Variants in THEMIS observed in about 807,000 individuals in gnomAD.
The protein encoded by THEMIS is thymocyte selection associated.
THEMIS carries 37 observed loss-of-function variants against 52.6 expected under a neutral mutation model. The observed-to-expected ratio is 0.70, with a 90% CI of 0.54 to 0.93. The LOEUF (loss-of-function observed/expected upper bound fraction) is 0.93. Among genes scored for constraint, THEMIS ranks in the 40% least tolerant of loss-of-function variants. The pLI is 0.00. For synonymous variants in THEMIS, 292 were observed against 272.7 expected, an observed-to-expected ratio of 1.07 and a Z score of -0.70; for missense variants, 808 against 763.1, an observed-to-expected ratio of 1.06 and a Z score of -0.69.
intron 1 of THEMIS, among the ~76,000 whole-genome samples, chr6:127,873,756 A>G (rs923967158): frequency 6.6e-6 from 1 of 152,240 alleles, no homozygotes; most frequent in African/African-American, 2.4e-5. Flanking sequence ...CATAAAGTCA[A>G]TTAACACATA....
chr6:127,805,428 A>G (rs991785180), intron 4 of THEMIS, among the ~76,000 whole-genome samples: 1 of 152,070 alleles, frequency 6.6e-6, no homozygotes, highest in Non-Finnish European at 1.5e-5. Context: ...TAAATAACGC[A>G]TGCATGAATC....
chr6:127,798,447 T>A (rs1347597982), intron 4 of THEMIS, among the ~76,000 whole-genome samples: 2 of 152,202 alleles, frequency 1.3e-5, no homozygotes, highest in African/African-American at 4.8e-5. Flanking sequence ...CTGGTCTAAA[T>A]AAAGGATGGT....
chr6:127,764,756 C>G (rs1286242573), intron 4 of THEMIS, among the ~76,000 whole-genome samples: 5 of 151,948 alleles, frequency 3.3e-5, no homozygotes, highest in Non-Finnish European at 5.9e-5. Flanking sequence ...ATTTTCTTAT[C>G]TATTACTTAA....
chr6:127,827,684 T>A (rs968510292), intron 3 of THEMIS, among the ~76,000 whole-genome samples: 4 of 152,124 alleles, frequency 2.6e-5, no homozygotes, highest in African/African-American at 9.7e-5. Flanking sequence ...CCCCTTCCAA[T>A]AGATCTTCAC....
chr6:127,846,704 G>T (rs1432098673), intron 2 of THEMIS, among the ~76,000 whole-genome samples: 1 of 151,718 alleles, frequency 6.6e-6, no homozygotes, highest in Non-Finnish European at 1.5e-5. Context: ...AATTCTACTA[G>T]ACATTCCAAG....
intron 4 of THEMIS, among the ~76,000 whole-genome samples, chr6:127,758,018 A>G (rs904744436): frequency 6.6e-6 from 1 of 152,028 alleles, no homozygotes; most frequent in East Asian, 1.9e-4. Context: ...ACACACATAG[A>G]TATATGTTAT....
At chr6:127,805,386 C>T (rs115675079) in intron 4 of THEMIS, among the ~76,000 whole-genome samples, 2,768 of 152,094 alleles carry the variant, frequency 0.018, 107 homozygotes, top group African/African-American at 0.063. Flanking sequence ...AGAAAGTTTA[C>T]GGCTATAAAA....
intron 4 of THEMIS, among the ~76,000 whole-genome samples, chr6:127,793,508 CAGGCCCCATGAA>C (rs1777224374): frequency 6.6e-6 from 1 of 152,142 alleles, no homozygotes; most frequent in Non-Finnish European, 1.5e-5. Context: ...GAAGAGAAAG[CAGGCCCCATGAA>C]ATCAAGCATT....
intron 3 of THEMIS, among the ~76,000 whole-genome samples, chr6:127,826,295 A>G (rs1002101264): frequency 6.6e-6 from 1 of 152,172 alleles, no homozygotes; most frequent in African/African-American, 2.4e-5. Context: ...TTTGATAAAC[A>G]TTAAAATTAT....
At chr6:127,747,193 GA>G (rs1370186598) in intron 4 of THEMIS, among the ~76,000 whole-genome samples, 22 of 109,944 alleles carry the variant, frequency 2.0e-4, no homozygotes, top group African/African-American at 6.8e-4. Context: ...TATAATTACA[GA>G]TATCTATCAT....
chr6:127,868,442 G>C, intron 1 of THEMIS: 1 of 985,332 alleles, frequency 1.0e-6, no homozygotes, highest in Non-Finnish European at 1.2e-6. Flanking sequence ...ACTTAGATTG[G>C]GGATAAAGAC....
intron 4 of THEMIS, among the ~76,000 whole-genome samples, chr6:127,747,330 T>C (rs1434798851): frequency 2.1e-5 from 3 of 143,912 alleles, no homozygotes; most frequent in African/African-American, 7.5e-5. Context: ...TCTATATCTA[T>C]ATAATATATA....
intron 2 of THEMIS, among the ~76,000 whole-genome samples, chr6:127,850,131 G>GA (rs1779370632): frequency 6.6e-6 from 1 of 151,852 alleles, no homozygotes; most frequent in Non-Finnish European, 1.5e-5. Flanking sequence ...ACAAACATAT[G>GA]AAAAATGCCC....
chr6:127,910,494 T>G (rs1049796687), intron 1 of THEMIS, among the ~76,000 whole-genome samples: 5 of 152,184 alleles, frequency 3.3e-5, no homozygotes, highest in African/African-American at 1.2e-4. Flanking sequence ...ACAACGTTAT[T>G]TCCAGAATAA....
chr6:127,803,243 C>T (rs1001949191), intron 4 of THEMIS, among the ~76,000 whole-genome samples: 1 of 152,026 alleles, frequency 6.6e-6, no homozygotes, highest in African/African-American at 2.4e-5. Flanking sequence ...AAGTGTACAG[C>T]GCTATGATTT....
At chr6:127,786,271 C>T (rs1403099667) in intron 4 of THEMIS, among the ~76,000 whole-genome samples, 1 of 152,150 alleles carries the variant, frequency 6.6e-6, no homozygotes, top group Non-Finnish European at 1.5e-5. Flanking sequence ...TCTTCAACAG[C>T]TTGGCCATCT....
At chr6:127,879,153 G>A (rs1219219191) in intron 1 of THEMIS, among the ~76,000 whole-genome samples, 1 of 152,152 alleles carries the variant, frequency 6.6e-6, no homozygotes, top group Non-Finnish European at 1.5e-5. Flanking sequence ...GTTCTCTGAG[G>A]TATATTACAT....
intron 4 of THEMIS, among the ~76,000 whole-genome samples, chr6:127,767,898 C>T (rs1776254971): frequency 6.6e-6 from 1 of 152,130 alleles, no homozygotes; most frequent in South Asian, 2.1e-4. Flanking sequence ...CTAGGTGAAA[C>T]AAGTTTTTCA....
chr6:127,780,497 T>C (rs1446443928), intron 4 of THEMIS, among the ~76,000 whole-genome samples: 1 of 152,220 alleles, frequency 6.6e-6, no homozygotes, highest in Non-Finnish European at 1.5e-5. Context: ...GTGTTGATGG[T>C]CTTTACAATT....
Sources: gnomAD v4.1 joint callset for allele counts (sites outside exome capture counted in the v4.1 genomes callset) on GRCh38, gnomAD v4.1.1 for gene constraint, MANE v1.5 for transcripts, NCBI Gene and HGNC (gene_info 2026-07-23, HGNC 2026-07-21) for gene names.